Variants in BCL2 observed in about 807,000 individuals in gnomAD.
BCL2 encodes apoptosis regulator Bcl-2.
BCL2 carries 1 observed loss-of-function variant against 14.2 expected under a neutral mutation model. That is an observed-to-expected ratio of 0.07 (90% CI 0.02 to 0.33). The LOEUF (loss-of-function observed/expected upper bound fraction) is 0.33, where lower values mean the gene tolerates loss of function less well. BCL2 is among the 10% of genes least tolerant of loss of function. BCL2 has a pLI of 0.99. For synonymous variants in BCL2, 151 were observed against 137.2 expected (o/e 1.10, Z -0.70); for missense variants, 247 against 305.9 (o/e 0.81, Z 1.44).
At chr18:63,282,815 T>C (rs981012902) in intron 2 of BCL2, among the ~76,000 whole-genome samples, 13 of 152,166 alleles carry the variant, frequency 8.5e-5, no homozygotes, top group Admixed American at 5.2e-4. Context: ...ATAGCACAAG[T>C]TGAATGTGCA....
intron 2 of BCL2, among the ~76,000 whole-genome samples, chr18:63,220,834 G>A (rs1201806174): frequency 8.0e-5 from 12 of 150,100 alleles, no homozygotes; most frequent in Admixed American, 4.0e-4. Flanking sequence ...AAAAAAAGGC[G>A]TTTTTCTTTG....
At chr18:63,225,131 C>T (rs1284184381) in intron 2 of BCL2, among the ~76,000 whole-genome samples, 1 of 152,022 alleles carries the variant, frequency 6.6e-6, no homozygotes, top group Non-Finnish European at 1.5e-5. Context: ...GAGGAAAAGT[C>T]TGTACCAGGT....
intron 2 of BCL2, among the ~76,000 whole-genome samples, chr18:63,292,747 T>TG (rs1223269004): frequency 5.3e-5 from 8 of 152,190 alleles, no homozygotes; most frequent in Non-Finnish European, 7.3e-5. Context: ...GAAATAAGTA[T>TG]GGGGGTAAAG....
chr18:63,198,219 AACAC>A (rs1397179236), intron 2 of BCL2, among the ~76,000 whole-genome samples: 3 of 139,596 alleles, frequency 2.1e-5, no homozygotes, highest in African/African-American at 8.0e-5. Context: ...GACACACACA[AACAC>A]ACACAGACAC....
chr18:63,130,336 T>C (rs893910506), intron 2 of BCL2, among the ~76,000 whole-genome samples: 1 of 152,192 alleles, frequency 6.6e-6, no homozygotes, highest in Non-Finnish European at 1.5e-5. Flanking sequence ...ACATCGCTGT[T>C]GGGAGGGGCT....
chr18:63,214,944 A>G (rs982033572), intron 2 of BCL2, among the ~76,000 whole-genome samples: 1 of 152,070 alleles, frequency 6.6e-6, no homozygotes, highest in Non-Finnish European at 1.5e-5. Context: ...CCTGACCTCA[A>G]GTGACCCACC....
intron 2 of BCL2, among the ~76,000 whole-genome samples, chr18:63,253,731 G>T (rs750792101): frequency 1.3e-5 from 2 of 151,994 alleles, no homozygotes; most frequent in Admixed American, 1.3e-4. Flanking sequence ...TTAGAAAAAT[G>T]AGATTTTTAT....
At chr18:63,194,336 T>C (rs1002031941) in intron 2 of BCL2, among the ~76,000 whole-genome samples, 5 of 98,296 alleles carry the variant, frequency 5.1e-5, no homozygotes, top group Non-Finnish European at 1.4e-4. Flanking sequence ...TTAAACTTTT[T>C]TCTTTTTTTT....
intron 2 of BCL2, among the ~76,000 whole-genome samples, chr18:63,195,933 G>T (rs1335992094): frequency 6.6e-6 from 1 of 152,158 alleles, no homozygotes; most frequent in Non-Finnish European, 1.5e-5. Context: ...TTATAGCCCA[G>T]AGAAAATAAA....
chr18:63,232,017 CAT>C (rs1258446267), intron 2 of BCL2, among the ~76,000 whole-genome samples: 6 of 151,906 alleles, frequency 3.9e-5, no homozygotes, highest in African/African-American at 4.8e-5. Flanking sequence ...GAGCCCCACA[CAT>C]GTGGGAATTT....
chr18:63,138,917 C>T (rs1006409500), intron 2 of BCL2, among the ~76,000 whole-genome samples: 1 of 152,202 alleles, frequency 6.6e-6, no homozygotes, highest in African/African-American at 2.4e-5. Context: ...AATGAGAAGC[C>T]CAAATGGGTG....
At chr18:63,205,546 G>A (rs1325920983) in intron 2 of BCL2, among the ~76,000 whole-genome samples, 1 of 152,130 alleles carries the variant, frequency 6.6e-6, no homozygotes, top group Non-Finnish European at 1.5e-5. Context: ...AAAATGGTGA[G>A]CATTCCTCAT....
intron 2 of BCL2, among the ~76,000 whole-genome samples, chr18:63,175,036 A>G (rs1915321949): frequency 6.6e-6 from 1 of 152,084 alleles, no homozygotes; most frequent in African/African-American, 2.4e-5. Context: ...AGTCTACCAC[A>G]TTTTGTCAAA....
chr18:63,189,374 T>C (rs1292569016), intron 2 of BCL2, among the ~76,000 whole-genome samples: 2 of 152,166 alleles, frequency 1.3e-5, no homozygotes, highest in African/African-American at 2.4e-5. Flanking sequence ...TTATCTTCTG[T>C]TGTTGCTTAG....
intron 2 of BCL2, among the ~76,000 whole-genome samples, chr18:63,266,604 A>ATCTCTCTC (rs36078664): frequency 2.8e-4 from 39 of 141,552 alleles, no homozygotes; most frequent in South Asian, 9.4e-4. Flanking sequence ...TGGAACATAA[A>ATCTCTCTC]TCTCTCTCTC....
chr18:63,269,226 T>C (rs1289526231), intron 2 of BCL2, among the ~76,000 whole-genome samples: 1 of 152,162 alleles, frequency 6.6e-6, no homozygotes, highest in East Asian at 1.9e-4. Context: ...AATGCTGAGA[T>C]TATAGGTGTG....
chr18:63,302,965 G>C (rs1913011977), intron 2 of BCL2: 1 of 789,564 alleles, frequency 1.3e-6, no homozygotes. Flanking sequence ...AGGTGGGTTT[G>C]TTTTTAAGTA....
In BCL2 at chr18:63,313,302, C is replaced by T. The variant is rs73466687; in HGVS notation, c.585+4780G>A. On this transcript the variant is annotated intron_variant, in intron 2 of 2. Transcript: ENST00000333681. ...CACATCTGTGGAATAACTGTCAGTC[C>T]TTGGATGATTTTCATCATTAATCCT... is the stretch of plus-strand genomic sequence containing the variant. 4.4e-3 allele frequency among the ~76,000 whole-genome samples: 666 copies of T among 152,298 alleles called. 7 individuals are homozygous for T. Among genetic ancestry groups the T allele is most frequent in the African/African-American group, 0.015 (632 of 41,558 alleles).
chr18:63,225,812 G>A (rs78650102), intron 2 of BCL2, among the ~76,000 whole-genome samples: 12,902 of 152,198 alleles, frequency 0.085, 580 homozygotes, highest in South Asian at 0.16. Context: ...CCACAGCAGC[G>A]TCTGGAGCAG....
Sources: allele counts gnomAD v4.1 joint callset (sites outside exome capture counted in the v4.1 genomes callset), GRCh38; gene constraint gnomAD v4.1.1; transcripts MANE v1.5; gene names NCBI Gene and HGNC (gene_info 2026-07-23, HGNC 2026-07-21).